Variants in MRPL11 observed in about 807,000 individuals in gnomAD.
The protein encoded by MRPL11 is large ribosomal subunit protein uL11m.
Under a neutral mutation model 19.1 loss-of-function variants are expected in MRPL11, and 21 were observed. The observed-to-expected ratio is 1.10, with a 90% confidence interval of 0.78 to 1.58. MRPL11 has a LOEUF of 1.58. MRPL11 is among the 40% of genes most tolerant of loss of function. MRPL11 has a pLI of 0.00. For missense variants in MRPL11, 242 were observed against 243.9 expected (o/e 0.99, Z 0.05); for synonymous variants, 108 against 99.7 (o/e 1.08, Z -0.49).
chr11:66,436,683 T>G, intron 4 of MRPL11: 2 of 699,614 alleles, frequency 2.9e-6, no homozygotes, highest in Non-Finnish European at 5.0e-6. Context: ...ACATCTTACT[T>G]CAATGAAACA....
intron 4 of MRPL11, 92 bp from the exon 5 acceptor site, chr11:66,436,204 C>T: frequency 6.6e-6 from 7 of 1,062,588 alleles, no homozygotes; most frequent in Admixed American, 2.0e-5. Flanking sequence ...TGAAGGGGCC[C>T]CTGTCTCCAA....
chr11:66,436,898 G>A (rs749539885), intron 4 of MRPL11: 47 of 1,613,868 alleles, frequency 2.9e-5, no homozygotes, highest in Non-Finnish European at 3.8e-5. Flanking sequence ...TAGAACATTT[G>A]CAGAACAACG....
intron 1 of MRPL11, 29 bp from the exon 2 acceptor site, chr11:66,438,288 T>G (rs1590704250): frequency 6.5e-7 from 1 of 1,547,960 alleles, no homozygotes; most frequent in Non-Finnish European, 8.9e-7. Context: ...GGGTTAGTGG[T>G]GAGAGGAGGG....
intron 2 of MRPL11, 126 bp downstream of exon 2, chr11:66,438,038 T>C (rs771871268): frequency 1.5e-6 from 1 of 683,266 alleles, no homozygotes. Flanking sequence ...TAGTCCTAAA[T>C]GGGGAAAGTG....
rs1373830339 is a variant in MRPL11, at chr11:66,438,626, C to T, written c.123+6G>A. The T allele has an allele frequency of 4.0e-6, 6 of 1,506,544 alleles. No homozygotes were observed. The highest frequency in any genetic ancestry group is 4.4e-6 in the Non-Finnish European group (5 of 1,127,472). The allele number at this position is 1,506,544 out of a possible 1,614,324, so 93.3% of individuals were successfully genotyped here. A position where few individuals can be genotyped will look rare whatever the true frequency, so the allele number is the denominator to read the frequency against. ...CCCCCACGTCGGGTTCCCGCCACGGCCGCACCTGACCCAGCACTGGGCCTA... is the reference window on the plus strand; with the variant it reads ...CCCCCACGTCGGGTTCCCGCCACGGTCGCACCTGACCCAGCACTGGGCCTA... On this transcript the variant is annotated splice_donor_region_variant and intron_variant, in intron 1 of 4. Coordinates refer to ENST00000310999, the MANE Select transcript of MRPL11 (RefSeq NM_016050.5).
chr11:66,438,814 G>A lies in MRPL11; in HGVS notation c.-60C>T. 2.1e-6 allele frequency: 3 copies of A among 1,400,572 alleles called. No individual in the cohort carries two copies. The highest frequency in any genetic ancestry group is 1.9e-4 in the Middle Eastern group (1 of 5,300). 86.8% of individuals were successfully genotyped at this position (1,400,572 alleles called of 1,614,324 possible). On this transcript the variant is annotated 5_prime_UTR_variant, in exon 1 of 5. Coordinates refer to ENST00000310999, the MANE Select transcript of MRPL11 (RefSeq NM_016050.5). ...GAGCAGCAAGAGCGAAGCTCTGGGCGCCACCATCTTGGGCCAGAGGTCAAG... is the reference window on the plus strand; with the variant it reads ...GAGCAGCAAGAGCGAAGCTCTGGGCACCACCATCTTGGGCCAGAGGTCAAG...
chr11:66,438,601 C>G (rs1044181855), intron 1 of MRPL11, 31 bp downstream of exon 1: 2 of 1,486,630 alleles, frequency 1.3e-6, no homozygotes, highest in Non-Finnish European at 1.8e-6. Context: ...TCCTAGACAA[C>G]CCCCACGTCG....
rs1857025945 is a variant in MRPL11 at position 66,438,192 on chromosome 11, A to G, written c.191T>C (p.Ile64Thr). ...NERTKDIKEG[I>T]PLPTKILVKP... ...CACTAAAATCTTGGTAGGCAGAGGA[A>G]TGCCTTCCTTGATGTCCTTTGTCCT... The change falls in exon 2 of 5, where the codon ATT (isoleucine) becomes ACT (threonine). Residue 64 changes from isoleucine (I) to threonine (T), a missense_variant. Ile to Thr is a moderately conservative substitution (Grantham distance 89). Coordinates refer to ENST00000310999, the MANE Select transcript of MRPL11 (RefSeq NM_016050.5). The G allele has an allele frequency of 3.1e-6, 5 of 1,613,662 alleles. No individual in the cohort carries two copies. The highest frequency in any genetic ancestry group is 1.7e-5 in the Admixed American group (1 of 60,006).
chr11:66,438,341 T>G, intron 1 of MRPL11, 82 bp from the exon 2 acceptor site: 1 of 1,149,920 alleles, frequency 8.7e-7, no homozygotes, highest in Non-Finnish European at 1.3e-6. Flanking sequence ...GTTCCCTCCT[T>G]CGTCTTCACT....
At position 66,437,170 on chromosome 11, in the gene MRPL11, G is replaced by A. The variant is rs778186194; in HGVS notation, c.407C>T (p.Pro136Leu). ...QDEAFALQDV[P>L]LSSVVRSIIG... is the part of the protein sequence containing the mutation. ...GATGGAGCGGACAACAGACGACAGGGGTACATCCTGCAGGGCAAATGCCTC... is the reference window on the plus strand; with the variant it reads ...GATGGAGCGGACAACAGACGACAGGAGTACATCCTGCAGGGCAAATGCCTC... Residue 136 changes from proline to leucine, a missense_variant, in exon 4 of 5, where the codon CCC becomes CTC. Coordinates refer to ENST00000310999, the MANE Select transcript of MRPL11 (RefSeq NM_016050.5). The A allele has an allele frequency of 1.9e-6, 3 of 1,614,232 alleles. No homozygotes were observed. The South Asian group carries it at 3.3e-5, about 18-fold the overall frequency.
At chr11:66,436,903 A>T in intron 4 of MRPL11, 1 of 1,613,896 alleles carries the variant, frequency 6.2e-7, no homozygotes, top group South Asian at 1.1e-5. Flanking sequence ...CATTTGCAGA[A>T]CAACGTCTAA....
At chr11:66,438,401 G>T in intron 1 of MRPL11, 142 bp from the exon 2 acceptor site, 1 of 889,500 alleles carries the variant, frequency 1.1e-6, no homozygotes, top group South Asian at 1.5e-5. Flanking sequence ...CCGTGAGCCA[G>T]AAGATCGTAC....
chr11:66,438,828 C>A lies in MRPL11; in HGVS notation c.-74G>T. The A allele has an allele frequency of 7.3e-7, 1 of 1,377,512 alleles. No homozygotes were observed. The highest frequency in any genetic ancestry group is 9.5e-7 in the Non-Finnish European group (1 of 1,056,458). The allele number at this position is 1,377,512 out of a possible 1,614,324, so 85.3% of individuals were successfully genotyped here. A position where few individuals can be genotyped will look rare whatever the true frequency, so the allele number is the denominator to read the frequency against. ...AAGCTCTGGGCGCCACCATCTTGGG[C>A]CAGAGGTCAAGGGTCCTCACGTTAG... On this transcript the variant is annotated 5_prime_UTR_variant, in exon 1 of 5. Transcript: ENST00000310999.
At chr11:66,438,601 C>A in intron 1 of MRPL11, 31 bp downstream of exon 1, 10 of 1,486,746 alleles carry the variant, frequency 6.7e-6, no homozygotes, top group Non-Finnish European at 8.9e-6. Context: ...TCCTAGACAA[C>A]CCCCACGTCG....
chr11:66,436,795 C>G, intron 4 of MRPL11: 2 of 1,588,596 alleles, frequency 1.3e-6, no homozygotes, highest in Non-Finnish European at 1.7e-6. Context: ...TGGTCCTTCC[C>G]TCATACCATT....
At position 66,436,103 on chromosome 11, in the gene MRPL11, T is replaced by G. The variant is rs1483238696; in HGVS notation, c.483A>C (p.Ser161=). ...CCTTCTGGAAAGCTGCAAGCTCTTCTGAACTGAGGCTGCAAGTGAAAAAAG... is the reference window on the plus strand; with the variant it reads ...CCTTCTGGAAAGCTGCAAGCTCTTCGGAACTGAGGCTGCAAGTGAAAAAAG... ...LGIRVVKDLS[S]EELAAFQKER... Residue 161 remains serine (S), a synonymous_variant, in exon 5 of 5, where the codon TCA becomes TCC. Coordinates refer to ENST00000310999, the MANE Select transcript of MRPL11 (RefSeq NM_016050.5). 6.2e-7 allele frequency: 1 copy of G among 1,613,532 alleles called. No homozygotes were observed. The highest frequency in any genetic ancestry group is 8.5e-7 in the Non-Finnish European group (1 of 1,179,750).
At chr11:66,436,758 C>T in intron 4 of MRPL11, 1 of 1,323,726 alleles carries the variant, frequency 7.6e-7, no homozygotes, top group Non-Finnish European at 1.1e-6. Flanking sequence ...AAGCATGAAC[C>T]TGACACAGCT....
At chr11:66,438,295 AGGGGAC>A (rs1279688651) in intron 1 of MRPL11, 36 bp from the exon 2 acceptor site, 3 of 1,521,402 alleles carry the variant, frequency 2.0e-6, no homozygotes, top group Non-Finnish European at 2.7e-6. Context: ...TGGTGAGAGG[AGGGGAC>A]GGCTTCCTAT....
chr11:66,436,794 C>T (rs781697393), intron 4 of MRPL11: 5 of 1,583,004 alleles, frequency 3.2e-6, no homozygotes, highest in Non-Finnish European at 4.3e-6. Flanking sequence ...CTGGTCCTTC[C>T]CTCATACCAT....
Sources: gnomAD v4.1 joint callset for allele counts on GRCh38, gnomAD v4.1.1 for gene constraint, MANE v1.5 for transcripts, NCBI Gene and HGNC (gene_info 2026-07-23, HGNC 2026-07-21) for gene names.